OPCML: variants seen among roughly 807,000 people sequenced by gnomAD.
The protein encoded by OPCML is opioid binding protein/cell adhesion molecule like.
A neutral mutation model predicts 37.8 loss-of-function variants in OPCML; 13 were observed. The ratio of observed to expected loss-of-function variants is 0.34; its 90% confidence interval spans 0.22 to 0.55. The LOEUF is 0.55. OPCML is among the 20% of genes least tolerant of loss of function. The pLI is 0.91. For missense variants in OPCML, 341 were observed against 435.6 expected (o/e 0.78, Z 1.93); for synonymous variants, 176 against 168.8 (o/e 1.04, Z -0.33).
At chr11:133,489,384 T>TA (rs889741127) in intron 1 of OPCML, among the ~76,000 whole-genome samples, 3 of 149,152 alleles carry the variant, frequency 2.0e-5, no homozygotes, top group African/African-American at 4.9e-5. Flanking sequence ...ACTCAACAAA[T>TA]AAAAAAACAA....
At chr11:132,552,285 A>G (rs1448809058) in intron 3 of OPCML, among the ~76,000 whole-genome samples, 2 of 152,218 alleles carry the variant, frequency 1.3e-5, no homozygotes, top group African/African-American at 4.8e-5. Context: ...AAGACTGGTA[A>G]GACATTACAT....
At chr11:132,867,983 C>G (rs1474924122) in intron 2 of OPCML, among the ~76,000 whole-genome samples, 1 of 152,102 alleles carries the variant, frequency 6.6e-6, no homozygotes, top group African/African-American at 2.4e-5. Context: ...TCTCGGGGCT[C>G]CGTGTTCAAG....
chr11:133,165,160 G>A (rs1198667110), intron 1 of OPCML, among the ~76,000 whole-genome samples: 4 of 152,234 alleles, frequency 2.6e-5, no homozygotes, highest in Non-Finnish European at 5.9e-5. Context: ...AAGCTGCCGC[G>A]CAGCCGCATG....
chr11:133,328,944 A>G (rs1943548381), intron 1 of OPCML, among the ~76,000 whole-genome samples: 1 of 152,232 alleles, frequency 6.6e-6, no homozygotes, highest in African/African-American at 2.4e-5. Context: ...CCATCGTCTC[A>G]GCCCAAAATC....
intron 1 of OPCML, among the ~76,000 whole-genome samples, chr11:133,491,812 G>A (rs1036879475): frequency 2.0e-4 from 30 of 152,102 alleles, no homozygotes; most frequent in Non-Finnish European, 3.2e-4. Context: ...TAGCAGAGCC[G>A]AAATGCCAGG....
intron 1 of OPCML, among the ~76,000 whole-genome samples, chr11:132,973,333 C>A (rs1946383556): frequency 6.6e-6 from 1 of 152,182 alleles, no homozygotes; most frequent in Non-Finnish European, 1.5e-5. Context: ...ATACCACAAT[C>A]CCTCTTTCGT....
intron 1 of OPCML, among the ~76,000 whole-genome samples, chr11:133,408,583 C>A (rs555445326): frequency 1.3e-5 from 2 of 152,168 alleles, no homozygotes. Flanking sequence ...CAGCTCAGGG[C>A]GCCAGGTGGG....
chr11:132,970,545 A>T (rs1946318301), intron 1 of OPCML, among the ~76,000 whole-genome samples: 3 of 152,204 alleles, frequency 2.0e-5, no homozygotes, highest in Admixed American at 2.0e-4. Context: ...GAGTATATTT[A>T]AAATTATTTA....
At chr11:132,983,580 G>C (rs991124874) in intron 1 of OPCML, among the ~76,000 whole-genome samples, 3 of 151,994 alleles carry the variant, frequency 2.0e-5, no homozygotes, top group Non-Finnish European at 4.4e-5. Context: ...AGCTCCTGGA[G>C]AACCGAGATC....
At chr11:132,814,486 G>C (rs373373449) in intron 2 of OPCML, among the ~76,000 whole-genome samples, 21 of 152,258 alleles carry the variant, frequency 1.4e-4, no homozygotes, top group African/African-American at 4.8e-4. Flanking sequence ...CAGGCAGTGA[G>C]GCAGAAATGA....
chr11:132,540,724 T>A (rs2096354392), intron 3 of OPCML, among the ~76,000 whole-genome samples: 1 of 152,190 alleles, frequency 6.6e-6, no homozygotes, highest in African/African-American at 2.4e-5. Context: ...CTGGGTGACA[T>A]CACAAACCTC....
chr11:133,026,860 A>C (rs1321265957), intron 1 of OPCML, among the ~76,000 whole-genome samples: 1 of 152,190 alleles, frequency 6.6e-6, no homozygotes, highest in African/African-American at 2.4e-5. Context: ...TGAATAGTTG[A>C]TATGTCGTTT....
intron 1 of OPCML, among the ~76,000 whole-genome samples, chr11:133,476,575 A>T (rs1947245152): frequency 6.6e-6 from 1 of 152,194 alleles, no homozygotes; most frequent in Non-Finnish European, 1.5e-5. Flanking sequence ...CATTCAACAG[A>T]AATACATTGG....
chr11:133,282,305 C>G (rs1942180889), intron 1 of OPCML, among the ~76,000 whole-genome samples: 1 of 152,224 alleles, frequency 6.6e-6, no homozygotes, highest in South Asian at 2.1e-4. Flanking sequence ...TCCCCACATC[C>G]TGGCTGCTCC....
At position 132,943,481 on chromosome 11, in the gene OPCML, CTGGCATCAAAAGTT is replaced by C. The variant is rs1323207522; in HGVS notation, c.62-485_62-472del. The C allele has an allele frequency of 7.3e-6, 2 of 273,778 alleles. No individual in the cohort carries two copies. The highest frequency in any genetic ancestry group is 4.3e-5 in the African/African-American group (2 of 46,728). The allele number at this position is 273,778 out of a possible 1,614,324, so 17.0% of individuals were successfully genotyped here. On this transcript the variant is annotated intron_variant, in intron 1 of 7. Transcript: ENST00000524381. The surrounding 1 kb of genome is among the most constrained non-coding windows in gnomAD (Gnocchi z 4.3). The stretch of plus-strand genomic sequence containing the variant: ...TCAGTTGGGCACGTTCTGCAGAGCT[CTGGCATCAAAAGTT>C]TATAACCCAAAGAAGAAGGCAAGTG...
At chr11:132,716,858 A>T (rs1944513368) in intron 2 of OPCML, among the ~76,000 whole-genome samples, 1 of 152,202 alleles carries the variant, frequency 6.6e-6, no homozygotes, top group Non-Finnish European at 1.5e-5. Flanking sequence ...AATGCCCCCA[A>T]GATAAGAGAG....
intron 2 of OPCML, among the ~76,000 whole-genome samples, chr11:132,802,657 T>C (rs10894607): frequency 0.19 from 28,313 of 152,198 alleles, 3,273 homozygotes; most frequent in Non-Finnish European, 0.28. Context: ...GAATATTCAC[T>C]GGACGACTCT....
chr11:133,383,052 G>T (rs556559784), intron 1 of OPCML, among the ~76,000 whole-genome samples: 31 of 151,718 alleles, frequency 2.0e-4, no homozygotes, highest in African/African-American at 5.8e-4. Context: ...TTTCCCCAAG[G>T]TCTCCCACCT....
At chr11:133,258,831 C>T (rs1941403920) in intron 1 of OPCML, among the ~76,000 whole-genome samples, 1 of 152,284 alleles carries the variant, frequency 6.6e-6, no homozygotes, top group East Asian at 1.9e-4. Flanking sequence ...CAGCCTGCCC[C>T]TGCCTGCCCA....
Sources: allele counts gnomAD v4.1 joint callset (sites outside exome capture counted in the v4.1 genomes callset), GRCh38; gene constraint gnomAD v4.1.1; non-coding constraint Gnocchi (gnomAD v3.1); transcripts MANE v1.5; gene names NCBI Gene and HGNC (gene_info 2026-07-23, HGNC 2026-07-21).